Variants in PAG1 observed in about 807,000 individuals in gnomAD.
The protein encoded by PAG1 is phosphoprotein associated with glycosphingolipid-enriched microdomains 1.
PAG1 carries 23 observed loss-of-function variants against 31.7 expected under a neutral mutation model. The observed-to-expected ratio is 0.73, with a 90% CI of 0.52 to 1.03. The LOEUF (loss-of-function observed/expected upper bound fraction) is 1.03, where lower values mean the gene tolerates loss of function less well. Among genes scored for constraint, PAG1 ranks in the 50% least tolerant of loss-of-function variants. The pLI is 0.00. For missense variants in PAG1, 473 were observed against 540.7 expected (o/e 0.87, Z 1.24); for synonymous variants, 214 against 210.3 (o/e 1.02, Z -0.15).
In PAG1 at chr8:81,089,816, C is replaced by T. The variant is rs577715539; in HGVS notation, c.-233-19646G>A. Among the ~76,000 whole-genome samples, 29 of 152,092 alleles carry T rather than the reference C, an allele frequency of 1.9e-4. No individual in the cohort carries two copies. The South Asian group carries it at 6.0e-3, about 32-fold the overall frequency. ...CCTCTGCTTGCATGACATGCAGAAA[C>T]GTGAGAGTCCATAAAGAATGGTCTC... On this transcript the variant is annotated intron_variant, in intron 1 of 8. Transcript: ENST00000220597.
At chr8:81,036,201 T>C (rs1808459227) in intron 2 of PAG1, among the ~76,000 whole-genome samples, 1 of 152,174 alleles carries the variant, frequency 6.6e-6, no homozygotes, top group African/African-American at 2.4e-5. Flanking sequence ...GTTTTACTCA[T>C]GTGAGGCCTA....
chr8:80,998,122 G>T (rs1372061568), intron 3 of PAG1, among the ~76,000 whole-genome samples: 3 of 136,798 alleles, frequency 2.2e-5, no homozygotes. Context: ...TTTAACAGCA[G>T]GTGTCCTTTT....
intron 3 of PAG1, among the ~76,000 whole-genome samples, chr8:80,996,937 G>C (rs1274664407): frequency 1.9e-4 from 29 of 152,262 alleles, no homozygotes; most frequent in Admixed American, 1.9e-3. Context: ...GAAGGTCCCT[G>C]TGGCAATCAT....
In PAG1 at chr8:81,084,662, T is replaced by C. The variant is rs538989750; in HGVS notation, c.-233-14492A>G. Among the ~76,000 whole-genome samples, 7 of 152,320 alleles carry C rather than the reference T, an allele frequency of 4.6e-5. No individual in the cohort carries two copies. In the South Asian group the frequency reaches 1.4e-3, roughly 32 times the overall value. On this transcript the variant is annotated intron_variant, in intron 1 of 8. Transcript: ENST00000220597. ...AGGCTTCTTTCTTTCCTAAGCTGTC[T>C]ATAAGAAGTGGCTACACAGGTCTTA...
chr8:81,012,227 C>T (rs1383330008), intron 3 of PAG1, among the ~76,000 whole-genome samples: 1 of 152,164 alleles, frequency 6.6e-6, no homozygotes, highest in Non-Finnish European at 1.5e-5. Flanking sequence ...GCTGCAATAT[C>T]TTCAGGACAA....
rs869177030 is a variant in PAG1 at position 81,085,972 on chromosome 8, G to GTTTTTTTTTTTTTTTTTTTT, written c.-233-15822_-233-15803dup. 5.1e-5 allele frequency among the ~76,000 whole-genome samples: 3 copies of GTTTTTTTTTTTTTTTTTTTT among 58,876 alleles called. 1 individual carries two copies. Among genetic ancestry groups the GTTTTTTTTTTTTTTTTTTTT allele is most frequent in the African/African-American group, 2.2e-4 (3 of 13,758 alleles). The allele number at this position is 58,876 out of a possible 152,430, so 38.6% of individuals were successfully genotyped here. A position where few individuals can be genotyped will look rare whatever the true frequency, so the allele number is the denominator to read the frequency against. On this transcript the variant is annotated intron_variant, in intron 1 of 8. Coordinates refer to ENST00000220597, the MANE Select transcript of PAG1 (RefSeq NM_018440.4). ...AGTAGTTACGCTTTTAATCTGGCTT[G>GTTTTTTTTTTTTTTTTTTTT]TTTTTTTTTTTTTTTTTTTTTTTTT...
chr8:81,011,534 T>C (rs1215759022), intron 3 of PAG1, among the ~76,000 whole-genome samples: 1 of 152,206 alleles, frequency 6.6e-6, no homozygotes, highest in African/African-American at 2.4e-5. Context: ...GGTATGTCTT[T>C]ATCAGCAGCA....
intron 1 of PAG1, among the ~76,000 whole-genome samples, chr8:81,091,194 C>T (rs572844752): frequency 6.6e-6 from 1 of 152,282 alleles, no homozygotes; most frequent in African/African-American, 2.4e-5. Flanking sequence ...GACAGTAAGG[C>T]AAAGACTACA....
chr8:81,044,675 A>G (rs762889209), intron 2 of PAG1, among the ~76,000 whole-genome samples: 4 of 152,168 alleles, frequency 2.6e-5, no homozygotes, highest in Non-Finnish European at 4.4e-5. Flanking sequence ...GAGATCTCAC[A>G]TAGCCCCTTT....
At chr8:80,979,338 G>C (rs190561603) in intron 8 of PAG1, among the ~76,000 whole-genome samples, 1 of 152,322 alleles carries the variant, frequency 6.6e-6, no homozygotes, top group South Asian at 2.1e-4. Flanking sequence ...CAGCAGGAGG[G>C]GACTGCTCTG....
chr8:81,018,835 G>C (rs1010361046), intron 3 of PAG1, among the ~76,000 whole-genome samples: 1 of 152,182 alleles, frequency 6.6e-6, no homozygotes, highest in African/African-American at 2.4e-5. Context: ...GGAGTGGGGT[G>C]CTGCTATAAA....
At position 80,975,332 on chromosome 8, in the gene PAG1, T is replaced by C. The variant is rs1463590804; in HGVS notation, c.*1212A>G. The stretch of plus-strand genomic sequence containing the variant: ...ACTTGATTAGAAAAAAGATAACAGC[T>C]CCTTGTAGTGATCTAGCTTATGTGC... On this transcript the variant is annotated 3_prime_UTR_variant, in exon 9 of 9. Coordinates refer to ENST00000220597, the MANE Select transcript of PAG1 (RefSeq NM_018440.4). 3 of 152,226 alleles carry C rather than the reference T, an allele frequency of 2.0e-5. No individual in the cohort carries two copies. The highest frequency in any genetic ancestry group is 4.4e-5 in the Non-Finnish European group (3 of 68,046). 9.4% of individuals were successfully genotyped at this position (152,226 alleles called of 1,614,324 possible).
chr8:81,111,204 G>T (rs1586226756), intron 1 of PAG1, among the ~76,000 whole-genome samples: 1 of 152,160 alleles, frequency 6.6e-6, no homozygotes, highest in South Asian at 2.1e-4. Context: ...GAAATGGCTC[G>T]CCCAAAGATC....
At position 81,106,380 on chromosome 8, in the gene PAG1, A is replaced by AT. The variant is rs34323983; in HGVS notation, c.-234+5210dup. Among the ~76,000 whole-genome samples, 63 of 148,068 alleles carry AT rather than the reference A, an allele frequency of 4.3e-4. No homozygotes were observed. In the South Asian group the frequency reaches 8.3e-3, roughly 20 times the overall value. On this transcript the variant is annotated intron_variant, in intron 1 of 8. Transcript: ENST00000220597. ...ATTTTAAAACTACTTCTTCTTCCGTATTTTTTTTTTTACTTGCTTACTCCA... is the reference window on the plus strand; with the variant it reads ...ATTTTAAAACTACTTCTTCTTCCGTATTTTTTTTTTTTACTTGCTTACTCCA...
At chr8:81,018,075 T>C (rs58611945) in intron 3 of PAG1, among the ~76,000 whole-genome samples, 1,669 of 152,280 alleles carry the variant, frequency 0.011, 27 homozygotes, top group African/African-American at 0.038. Context: ...TAAGAAACAA[T>C]GATCAGATAA....
At chr8:80,980,724 C>G (rs1807282862) in intron 7 of PAG1, among the ~76,000 whole-genome samples, 1 of 152,132 alleles carries the variant, frequency 6.6e-6, no homozygotes, top group Admixed American at 6.5e-5. Flanking sequence ...TTTGTATTTG[C>G]ATCTGTAGGT....
At chr8:81,080,391 C>A (rs190380294) in intron 1 of PAG1, among the ~76,000 whole-genome samples, 2 of 152,106 alleles carry the variant, frequency 1.3e-5, no homozygotes, top group East Asian at 3.9e-4. Context: ...AATACAACCA[C>A]CCAAATTATT....
intron 1 of PAG1, among the ~76,000 whole-genome samples, chr8:81,095,700 T>G (rs1809517873): frequency 6.6e-6 from 1 of 152,256 alleles, no homozygotes; most frequent in African/African-American, 2.4e-5. Flanking sequence ...TGCTTCTATA[T>G]GTACTACCTA....
chr8:80,982,125 C>G lies in PAG1; in HGVS notation c.877-1631G>C, dbSNP rs1807319228. Among the ~76,000 whole-genome samples the G allele has an allele frequency of 2.0e-5, 3 of 152,146 alleles. No homozygotes were observed. In the South Asian group the frequency reaches 6.2e-4, roughly 31 times the overall value. On this transcript the variant is annotated intron_variant, in intron 7 of 8. Transcript: ENST00000220597. ...AAGTGATCCACCCACCTCGGCCTCCCAAAGTGTTACGATTACAGGCATGAG... is the reference window on the plus strand; with the variant it reads ...AAGTGATCCACCCACCTCGGCCTCCGAAAGTGTTACGATTACAGGCATGAG...
Sources: gnomAD v4.1 joint callset for allele counts (sites outside exome capture counted in the v4.1 genomes callset) on GRCh38, gnomAD v4.1.1 for gene constraint, MANE v1.5 for transcripts, NCBI Gene and HGNC (gene_info 2026-07-23, HGNC 2026-07-21) for gene names.